CHD5: variants seen among roughly 807,000 people sequenced by gnomAD.
The protein encoded by CHD5 is chromodomain helicase DNA binding protein 5.
CHD5 carries 69 observed loss-of-function variants against 230.3 expected under a neutral mutation model. That is an observed-to-expected ratio of 0.30 (90% CI 0.25 to 0.37). The LOEUF (loss-of-function observed/expected upper bound fraction) is 0.37, where lower values mean the gene tolerates loss of function less well. CHD5 is among the 10% of genes least tolerant of loss of function. The pLI is 1.00. For missense variants in CHD5, 1,827 were observed against 2,622.8 expected, an observed-to-expected ratio of 0.70 and a Z score of 6.63; for synonymous variants, 1,064 against 1,065.9, an observed-to-expected ratio of 1.00 and a Z score of 0.03.
intron 2 of CHD5, among the ~76,000 whole-genome samples, chr1:6,163,302 C>T (rs535203171): frequency 6.6e-6 from 1 of 152,302 alleles, no homozygotes; most frequent in South Asian, 2.1e-4. Flanking sequence ...TGGGGAAAGC[C>T]CAGTCGATGA....
chr1:6,171,007 C>T (rs1428178765), intron 1 of CHD5, among the ~76,000 whole-genome samples: 5 of 152,234 alleles, frequency 3.3e-5, no homozygotes, highest in East Asian at 3.9e-4. Context: ...GCTTATGTAA[C>T]GGGCTCTGGC....
At chr1:6,150,713 G>A (rs958748991) in intron 7 of CHD5, among the ~76,000 whole-genome samples, 3 of 152,084 alleles carry the variant, frequency 2.0e-5, no homozygotes, top group Non-Finnish European at 2.9e-5. Context: ...GGAGGATGGC[G>A]ATGAGATGAA....
Position 6,125,909 on chromosome 1 carries a change from C to T in CHD5, c.4079-51G>A. 2 of 1,432,008 alleles carry T rather than the reference C, an allele frequency of 1.4e-6. No homozygotes were observed. The highest frequency in any genetic ancestry group is 2.0e-6 in the Non-Finnish European group (2 of 1,024,164). The allele number at this position is 1,432,008 out of a possible 1,614,324, so 88.7% of individuals were successfully genotyped here. ...CGGAGTGAGCTGTACAAGCAAAGCCCACCCTCAAGTTCAAGCATGCCCAGG... is the reference window on the plus strand; with the variant it reads ...CGGAGTGAGCTGTACAAGCAAAGCCTACCCTCAAGTTCAAGCATGCCCAGG... On this transcript the variant is annotated intron_variant, in intron 26 of 41. Coordinates refer to ENST00000262450, the MANE Select transcript of CHD5 (RefSeq NM_015557.3). The surrounding 1 kb of genome is among the most constrained non-coding windows in gnomAD (Gnocchi z 6.7).
Position 6,154,845 on chromosome 1 carries a change from A to C in CHD5, c.560T>G (p.Val187Gly), listed in dbSNP as rs1387287471. 6.2e-7 allele frequency: 1 copy of C among 1,614,014 alleles called. No homozygotes were observed. The highest frequency in any genetic ancestry group is 8.5e-7 in the Non-Finnish European group (1 of 1,179,962). Residue 187 changes from valine to glycine, a missense_variant, in exon 5 of 42, where the codon GTC (valine) becomes GGC (glycine). This residue lies in a region of CHD5 where 657 missense variants were observed against 816.4 expected (regional missense o/e 0.80). Transcript: ENST00000262450. The surrounding 1 kb of genome is among the most constrained non-coding windows in gnomAD (Gnocchi z 7.0). The part of the protein sequence containing the change: ...PKIPMSKMMT[V>G]LGAKWREFSA... ...GAACTCCCGCCACTTGGCACCCAGGACGGTCATCATTTTGGACATGGGGAT... is the reference window on the plus strand; with the variant it reads ...GAACTCCCGCCACTTGGCACCCAGGCCGGTCATCATTTTGGACATGGGGAT...
rs375637663 is a variant in CHD5 at position 6,125,830 on chromosome 1, C to T, written c.4107G>A (p.Gln1369=). ...CCTCAGAGCCAATGGAATATTCTGA[C>T]TGGTTATCAGAGAGCTCATCCTGCC... is the stretch of plus-strand genomic sequence containing the variant. The part of the protein sequence containing the change: ...QEWQDELSDN[Q]SEYSIGSEDE... Residue 1369 remains glutamine, a synonymous_variant, in exon 27 of 42, where the codon CAG becomes CAA. Coordinates refer to ENST00000262450, the MANE Select transcript of CHD5 (RefSeq NM_015557.3). The surrounding 1 kb of genome is among the most constrained non-coding windows in gnomAD (Gnocchi z 6.7). 5 of 1,613,116 alleles carry T rather than the reference C, an allele frequency of 3.1e-6. No individual in the cohort carries two copies. In the African/African-American group the frequency reaches 5.3e-5, roughly 17 times the overall value.
At chr1:6,115,615 C>T (rs1209612774) in intron 33 of CHD5, among the ~76,000 whole-genome samples, 1 of 152,206 alleles carries the variant, frequency 6.6e-6, no homozygotes, top group African/African-American at 2.4e-5. Context: ...GTGCTGAAAA[C>T]GGACCCAGCT....
intron 2 of CHD5, among the ~76,000 whole-genome samples, chr1:6,164,209 T>A (rs979497461): frequency 6.6e-6 from 1 of 152,180 alleles, no homozygotes; most frequent in Non-Finnish European, 1.5e-5. Context: ...GCACCGCATC[T>A]CCTAAAAACG....
intron 6 of CHD5, 135 bp downstream of exon 6, chr1:6,152,274 AAGG>A (rs551469735): frequency 1.8e-4 from 158 of 894,240 alleles, no homozygotes; most frequent in African/African-American, 1.6e-3. Context: ...TGTAGGATGG[AAGG>A]AGAATAGTGG....
chr1:6,132,096 T>C (rs993374169), intron 20 of CHD5, among the ~76,000 whole-genome samples: 12 of 152,060 alleles, frequency 7.9e-5, no homozygotes, highest in Non-Finnish European at 1.5e-4. Context: ...CATTCCAAAC[T>C]ACCTGACTCT....
Position 6,125,776 on chromosome 1 carries a change from C to T in CHD5, c.4161G>A (p.Pro1387=), listed in dbSNP as rs773893368. 14 of 1,612,966 alleles carry T rather than the reference C, an allele frequency of 8.7e-6. No homozygotes were observed. The highest frequency in any genetic ancestry group is 2.2e-5 in the South Asian group (2 of 91,054). The part of the protein sequence containing the change: ...EDEDEDFEER[P]EGQSGRRQSR... ...AACACTGAGACTCACTCTGCCCTTC[C>T]GGCCTCTCTTCAAAGTCCTCATCCT... Residue 1387 remains proline (P), a synonymous_variant, in exon 27 of 42, where the codon CCG becomes CCA. Coordinates refer to ENST00000262450, the MANE Select transcript of CHD5 (RefSeq NM_015557.3). The surrounding 1 kb of genome is among the most constrained non-coding windows in gnomAD (Gnocchi z 6.7).
intron 3 of CHD5, among the ~76,000 whole-genome samples, chr1:6,157,152 C>A (rs550543591): frequency 6.6e-6 from 1 of 152,282 alleles, no homozygotes; most frequent in East Asian, 1.9e-4. Flanking sequence ...CCTGAGCTGC[C>A]CCCACCCAAC....
chr1:6,127,109 G>C, intron 25 of CHD5: 1 of 264,768 alleles, frequency 3.8e-6, no homozygotes, highest in Non-Finnish European at 7.2e-6. Flanking sequence ...GTGGGGAGCA[G>C]AGGAGGAAAC....
At chr1:6,137,099 G>A (rs116620318) in intron 15 of CHD5, among the ~76,000 whole-genome samples, 10,970 of 149,712 alleles carry the variant, frequency 0.073, 463 homozygotes, top group South Asian at 0.16. Flanking sequence ...GAGAAGAAAC[G>A]GCCTCGGCTT....
At chr1:6,177,112 C>G (rs1055660803) in intron 1 of CHD5, among the ~76,000 whole-genome samples, 1 of 152,180 alleles carries the variant, frequency 6.6e-6, no homozygotes. Context: ...GAAAAAAGAT[C>G]GGACAAGTCA....
At chr1:6,166,099 G>A (rs1371195358) in intron 2 of CHD5, among the ~76,000 whole-genome samples, 3 of 151,758 alleles carry the variant, frequency 2.0e-5, no homozygotes, top group African/African-American at 7.3e-5. Context: ...CATCCATCCC[G>A]GACACTGTGT....
At chr1:6,133,079 CTATT>C (rs1276619945) in intron 20 of CHD5, among the ~76,000 whole-genome samples, 3 of 152,010 alleles carry the variant, frequency 2.0e-5, no homozygotes, top group Admixed American at 6.6e-5. Flanking sequence ...TATTTGGATT[CTATT>C]TATTGTTTTG....
chr1:6,123,915 C>T (rs1240233195), intron 31 of CHD5, 33 bp downstream of exon 31: 10 of 1,406,696 alleles, frequency 7.1e-6, no homozygotes, highest in African/African-American at 1.5e-5. Context: ...TCCATGACCC[C>T]AGTGCCCTCC....
In CHD5 at chr1:6,128,503, C is replaced by A. The variant is rs1373660751; in HGVS notation, c.3726G>T (p.Pro1242=). The change falls in exon 24 of 42, where the codon CCG becomes CCT. Residue 1242 remains proline (P), a synonymous_variant. Transcript: ENST00000262450. The surrounding 1 kb of genome is among the most constrained non-coding windows in gnomAD (Gnocchi z 7.8). ...ASAKKKHGST[P]PGDNKDVEDS... ...CTGGGCTGGGTTGGCCCCTACCTGG[C>A]GGGGTGCTACCGTGCTTCTTCTTTG... 4 of 1,612,140 alleles carry A rather than the reference C, an allele frequency of 2.5e-6. No homozygotes were observed. The highest frequency in any genetic ancestry group is 2.5e-6 in the Non-Finnish European group (3 of 1,178,480).
rs113545950 is a variant in CHD5 at position 6,150,948 on chromosome 1, G to A, written c.994+84C>T. The A allele has an allele frequency of 0.013, 17,630 of 1,377,082 alleles. 720 individuals carry two copies. In the African/African-American group the frequency reaches 0.13, roughly 10 times the overall value. 85.3% of individuals were successfully genotyped at this position (1,377,082 alleles called of 1,614,324 possible). ...GCCCCGCACATCCACCCGGCAGGCC[G>A]AGAACCGTCCAGATGGGGAGTCCTA... On this transcript the variant is annotated intron_variant, in intron 7 of 41. Coordinates refer to ENST00000262450, the MANE Select transcript of CHD5 (RefSeq NM_015557.3).
Sources: gnomAD v4.1 joint callset for allele counts (sites outside exome capture counted in the v4.1 genomes callset) on GRCh38, gnomAD v4.1.1 for gene constraint, gnomAD v4.1.1 regional missense constraint, Gnocchi (gnomAD v3.1) non-coding constraint, MANE v1.5 for transcripts, NCBI Gene and HGNC (gene_info 2026-07-23, HGNC 2026-07-21) for gene names.